The following DIS3L2 variants were observed in gnomAD, a reference collection of about 807,000 sequenced individuals.
DIS3L2 encodes the protein DIS3 like 3'-5' exoribonuclease 2, also known as DIS3-like exonuclease 2.
In DIS3L2, 34 loss-of-function variants were observed where a neutral mutation model predicts 97.5. That is an observed-to-expected ratio of 0.35 (90% CI 0.27 to 0.46). The LOEUF is 0.46. Among genes scored for constraint, DIS3L2 ranks in the 20% least tolerant of loss-of-function variants. DIS3L2 has a pLI of 1.00. For synonymous variants in DIS3L2, 435 were observed against 445.2 expected, an observed-to-expected ratio of 0.98 and a Z score of 0.29; for missense variants, 1,038 against 1,146.0, an observed-to-expected ratio of 0.91 and a Z score of 1.36.
rs746249648 is a variant in DIS3L2 at position 232,077,973 on chromosome 2, C to CT, written c.367-9511dup. 5.7e-3 allele frequency among the ~76,000 whole-genome samples: 726 copies of CT among 127,932 alleles called. 1 individual carries two copies. Among genetic ancestry groups the CT allele is most frequent in the Non-Finnish European group, 9.3e-3 (566 of 61,150 alleles). The allele number at this position is 127,932 out of a possible 152,430, so 83.9% of individuals were successfully genotyped here. ...TTTCTTTCTCTTTCTTTCTTTCTTT[C>CT]TTTCTTTCTTTCTTTCTTTCTTTCT... On this transcript the variant is annotated intron_variant, in intron 5 of 20. Transcript: ENST00000325385.
chr2:232,256,915 C>T (rs1339449448), intron 12 of DIS3L2, among the ~76,000 whole-genome samples: 3 of 152,054 alleles, frequency 2.0e-5, no homozygotes, highest in Non-Finnish European at 4.4e-5. Flanking sequence ...GTCAGGAGTT[C>T]AAGACCAGCT....
At chr2:232,021,671 C>T (rs1694518032) in intron 3 of DIS3L2, among the ~76,000 whole-genome samples, 1 of 151,980 alleles carries the variant, frequency 6.6e-6, no homozygotes, top group Non-Finnish European at 1.5e-5. Context: ...GGAGCTTTGA[C>T]CCACCTGTAA....
At chr2:232,330,669 G>C (rs184775631) in intron 15 of DIS3L2, 21 bp from the exon 16 acceptor site, 2 of 1,613,778 alleles carry the variant, frequency 1.2e-6, no homozygotes, top group Admixed American at 3.3e-5. Flanking sequence ...CGTCACATAG[G>C]TTTCTGGGAT....
At chr2:231,992,373 G>T (rs1199626761) in intron 1 of DIS3L2, among the ~76,000 whole-genome samples, 2 of 152,116 alleles carry the variant, frequency 1.3e-5, no homozygotes, top group Admixed American at 1.3e-4. Context: ...CCTGTCCCCA[G>T]CCTCCCCTCC....
At chr2:232,032,014 G>C (rs183096558) in intron 5 of DIS3L2, among the ~76,000 whole-genome samples, 1 of 152,140 alleles carries the variant, frequency 6.6e-6, no homozygotes, top group Admixed American at 6.5e-5. Flanking sequence ...TAATCCTTTG[G>C]GTATATACAC....
Position 232,157,801 on chromosome 2 carries a change from G to T in DIS3L2, c.951-5658G>T, listed in dbSNP as rs11688412. ...ATTCAGGTCAGCATTAGTGAGAAGTGAATGTTGTGGAGTGCATTTCCTGCT... is the reference window on the plus strand; with the variant it reads ...ATTCAGGTCAGCATTAGTGAGAAGTTAATGTTGTGGAGTGCATTTCCTGCT... On this transcript the variant is annotated intron_variant, in intron 8 of 20. Transcript: ENST00000325385. Among the ~76,000 whole-genome samples the T allele has an allele frequency of 9.2e-3, 1,406 of 152,286 alleles. 5 individuals are homozygous for T. Among genetic ancestry groups the T allele is most frequent in the Non-Finnish European group, 0.013 (897 of 68,018 alleles).
intron 6 of DIS3L2, among the ~76,000 whole-genome samples, chr2:232,126,769 G>A (rs1281769960): frequency 6.6e-6 from 1 of 152,160 alleles, no homozygotes; most frequent in Non-Finnish European, 1.5e-5. Context: ...CTCCCACAGG[G>A]CCATTCTACC....
rs139161977 is a variant in DIS3L2 at position 232,320,994 on chromosome 2, G to A, written c.1740-8819G>A. Among the ~76,000 whole-genome samples the A allele has an allele frequency of 9.8e-5, 15 of 152,302 alleles. No homozygotes were observed. In the East Asian group the frequency reaches 2.9e-3, roughly 29 times the overall value. On this transcript the variant is annotated intron_variant, in intron 14 of 20. Transcript: ENST00000325385. ...GTGAACTGAACCTGTACAGCCCCACGAGTTGCTGAGTGGAGAAGGTGGGCT... is the reference window on the plus strand; with the variant it reads ...GTGAACTGAACCTGTACAGCCCCACAAGTTGCTGAGTGGAGAAGGTGGGCT...
At chr2:232,112,202 ACT>A (rs1320554053) in intron 6 of DIS3L2, among the ~76,000 whole-genome samples, 1 of 152,014 alleles carries the variant, frequency 6.6e-6, no homozygotes, top group Non-Finnish European at 1.5e-5. Context: ...CTCTAGTTCC[ACT>A]CTGCTGCTTG....
chr2:232,074,924 C>G (rs1195698352), intron 5 of DIS3L2, among the ~76,000 whole-genome samples: 1 of 152,108 alleles, frequency 6.6e-6, no homozygotes, highest in East Asian at 1.9e-4. Context: ...ACTAGCAGTG[C>G]TGCAGAGGAA....
intron 9 of DIS3L2, among the ~76,000 whole-genome samples, chr2:232,199,399 G>T (rs1311647534): frequency 6.6e-6 from 1 of 152,160 alleles, no homozygotes; most frequent in Non-Finnish European, 1.5e-5. Flanking sequence ...TTCCTAACAG[G>T]TAGAGCTATC....
chr2:232,098,393 A>G (rs985764907), intron 6 of DIS3L2, among the ~76,000 whole-genome samples: 1 of 144,502 alleles, frequency 6.9e-6, no homozygotes, highest in Non-Finnish European at 1.5e-5. Flanking sequence ...CTACTCTGTC[A>G]CCCAGGCTGG....
At chr2:232,011,104 G>T (rs1694186526) in intron 1 of DIS3L2, among the ~76,000 whole-genome samples, 1 of 152,044 alleles carries the variant, frequency 6.6e-6, no homozygotes, top group Non-Finnish European at 1.5e-5. Context: ...GACCGCTATT[G>T]CCTGTTCATC....
chr2:232,186,341 T>C (rs1691431805), intron 9 of DIS3L2, among the ~76,000 whole-genome samples: 1 of 152,206 alleles, frequency 6.6e-6, no homozygotes, highest in Admixed American at 6.5e-5. Flanking sequence ...CTACGAACTT[T>C]CATCATTCAA....
At chr2:232,165,351 ATATACATATATGTGTGTATACG>A (rs939120833) in intron 9 of DIS3L2, among the ~76,000 whole-genome samples, 1 of 152,214 alleles carries the variant, frequency 6.6e-6, no homozygotes, top group Non-Finnish European at 1.5e-5. Flanking sequence ...AAATATACAC[ATATACATATATGTGTGTATACG>A]TATACACATC....
intron 1 of DIS3L2, among the ~76,000 whole-genome samples, chr2:231,974,972 A>G (rs1693039130): frequency 1.3e-5 from 2 of 152,230 alleles, no homozygotes; most frequent in African/African-American, 4.8e-5. Flanking sequence ...TCTTCAATAC[A>G]ATACAATAAT....
At chr2:232,085,562 A>G (rs1005604687) in intron 5 of DIS3L2, among the ~76,000 whole-genome samples, 17 of 152,236 alleles carry the variant, frequency 1.1e-4, no homozygotes, top group Non-Finnish European at 2.1e-4. Context: ...TAAATTGAAC[A>G]TAGGTATTTA....
intron 6 of DIS3L2, chr2:232,111,291 T>C (rs1697524102): frequency 4.2e-6 from 2 of 470,938 alleles, no homozygotes; most frequent in Non-Finnish European, 8.8e-6. Flanking sequence ...GTACCTCTAT[T>C]AGTAGCAGCC....
At chr2:232,226,338 A>G (rs531032168) in intron 10 of DIS3L2, among the ~76,000 whole-genome samples, 1 of 152,306 alleles carries the variant, frequency 6.6e-6, no homozygotes, top group South Asian at 2.1e-4. Context: ...GAGTCAGACA[A>G]TGTTCTAATC....
Sources: gnomAD v4.1 joint callset for allele counts (sites outside exome capture counted in the v4.1 genomes callset) on GRCh38, gnomAD v4.1.1 for gene constraint, MANE v1.5 for transcripts, NCBI Gene and HGNC (gene_info 2026-07-23, HGNC 2026-07-21) for gene names.